The following FSTL5 variants were observed in gnomAD, a reference collection of about 807,000 sequenced individuals.
The protein encoded by FSTL5 is follistatin-related protein 5.
FSTL5 carries 62 observed loss-of-function variants against 89.1 expected under a neutral mutation model. The observed-to-expected ratio is 0.70, with a 90% confidence interval of 0.57 to 0.86. The LOEUF is 0.86. Among genes scored for constraint, FSTL5 ranks in the 40% least tolerant of loss-of-function variants. The pLI, the probability that FSTL5 is intolerant of heterozygous loss-of-function variation, is 0.00. For synonymous variants in FSTL5, 383 were observed against 346.2 expected, an observed-to-expected ratio of 1.11 and a Z score of -1.18; for missense variants, 1,057 against 1,001.6, an observed-to-expected ratio of 1.06 and a Z score of -0.75.
At chr4:161,497,604 C>T (rs1165795745) in intron 12 of FSTL5, among the ~76,000 whole-genome samples, 1 of 148,064 alleles carries the variant, frequency 6.8e-6, no homozygotes, top group South Asian at 2.2e-4. Context: ...GTACAGAAAC[C>T]TTTATAAACT....
At chr4:161,833,186 C>T (rs1050747648) in intron 4 of FSTL5, among the ~76,000 whole-genome samples, 146 of 151,718 alleles carry the variant, frequency 9.6e-4, no homozygotes, top group African/African-American at 3.2e-3. Flanking sequence ...TGTAGTTGAG[C>T]GGTTTTGAGT....
intron 12 of FSTL5, among the ~76,000 whole-genome samples, chr4:161,493,716 A>G (rs971896794): frequency 3.3e-5 from 5 of 152,210 alleles, no homozygotes; most frequent in Non-Finnish European, 7.4e-5. Context: ...GTTTATTTGT[A>G]AAGCGTGCGG....
chr4:161,794,996 T>G (rs1315399789), intron 4 of FSTL5, among the ~76,000 whole-genome samples: 1 of 151,974 alleles, frequency 6.6e-6, no homozygotes, highest in Non-Finnish European at 1.5e-5. Flanking sequence ...ATATATATTT[T>G]ATTTACATAT....
intron 4 of FSTL5, among the ~76,000 whole-genome samples, chr4:161,885,114 G>C (rs558108804): frequency 2.0e-5 from 3 of 152,056 alleles, no homozygotes. Context: ...GAAGGGTGTA[G>C]AGTAGTCTAA....
Position 161,680,984 on chromosome 4 carries a change from T to C in FSTL5, c.728-24490A>G, listed in dbSNP as rs946682602. ...GTTCAGTGAAGTGTAACACTGCAAATGGTAATGATGTGAAGATGCAGTCTA... is the reference window on the plus strand; with the variant it reads ...GTTCAGTGAAGTGTAACACTGCAAACGGTAATGATGTGAAGATGCAGTCTA... On this transcript the variant is annotated intron_variant, in intron 6 of 15. Coordinates refer to ENST00000306100, the MANE Select transcript of FSTL5 (RefSeq NM_020116.5). 2.0e-5 allele frequency among the ~76,000 whole-genome samples: 3 copies of C among 151,988 alleles called. No individual in the cohort carries two copies. In the East Asian group the frequency reaches 5.8e-4, roughly 29 times the overall value.
chr4:161,695,365 G>A (rs1397393310), intron 6 of FSTL5, among the ~76,000 whole-genome samples: 1 of 151,142 alleles, frequency 6.6e-6, no homozygotes, highest in Non-Finnish European at 1.5e-5. Flanking sequence ...ATCTCATCCA[G>A]GTCGCTGTGA....
intron 10 of FSTL5, among the ~76,000 whole-genome samples, chr4:161,520,345 A>C (rs1730979019): frequency 6.6e-6 from 1 of 151,488 alleles, no homozygotes; most frequent in Non-Finnish European, 1.5e-5. Context: ...TAAGGTTAAC[A>C]TATCAATATA....
chr4:161,912,126 T>A (rs926302369), intron 4 of FSTL5, among the ~76,000 whole-genome samples: 1 of 152,090 alleles, frequency 6.6e-6, no homozygotes, highest in Non-Finnish European at 1.5e-5. Flanking sequence ...AATGAAAAGG[T>A]TTTTTTACCA....
chr4:162,066,642 T>C (rs936607013), intron 2 of FSTL5, among the ~76,000 whole-genome samples: 1 of 147,842 alleles, frequency 6.8e-6, no homozygotes, highest in Non-Finnish European at 1.5e-5. Context: ...GTCCATGTGT[T>C]CTATTGTTCA....
chr4:161,757,527 A>C (rs1311021680), intron 6 of FSTL5, among the ~76,000 whole-genome samples: 1 of 152,138 alleles, frequency 6.6e-6, no homozygotes, highest in Non-Finnish European at 1.5e-5. Flanking sequence ...TTAGGTCAAC[A>C]TGAGTTTGAT....
intron 4 of FSTL5, among the ~76,000 whole-genome samples, chr4:161,862,530 A>G (rs1731950321): frequency 6.6e-6 from 1 of 152,040 alleles, no homozygotes; most frequent in Admixed American, 6.6e-5. Context: ...GTCAAGAGAT[A>G]GAGACCATCC....
intron 4 of FSTL5, among the ~76,000 whole-genome samples, chr4:161,810,737 G>A (rs1041485764): frequency 5.3e-5 from 8 of 152,222 alleles, no homozygotes; most frequent in African/African-American, 1.9e-4. Context: ...CTATAATAAT[G>A]TTAATCATTA....
intron 6 of FSTL5, among the ~76,000 whole-genome samples, chr4:161,659,843 C>G (rs1418120830): frequency 2.0e-5 from 3 of 152,076 alleles, no homozygotes; most frequent in East Asian, 3.9e-4. Flanking sequence ...TGACTTGTTT[C>G]ATTTTATAGC....
intron 2 of FSTL5, among the ~76,000 whole-genome samples, chr4:162,036,775 T>C (rs1196848560): frequency 6.6e-6 from 1 of 152,000 alleles, no homozygotes; most frequent in Admixed American, 6.6e-5. Context: ...AGTACAATTA[T>C]GTCTAAGAAA....
At chr4:161,412,509 G>A (rs1731628308) in intron 15 of FSTL5, among the ~76,000 whole-genome samples, 1 of 152,014 alleles carries the variant, frequency 6.6e-6, no homozygotes, top group African/African-American at 2.4e-5. Context: ...GTGGGGTAGG[G>A]GGATAGGGGC....
chr4:162,066,355 C>CTTCTTCTTGTTCTTCTTCTT (rs1553996329), intron 2 of FSTL5, among the ~76,000 whole-genome samples: 1 of 61,166 alleles, frequency 1.6e-5, no homozygotes, highest in Admixed American at 1.8e-4. Flanking sequence ...TTCTTCTTCT[C>CTTCTTCTTGTTCTTCTTCTT]CTTCTTCTTC....
intron 7 of FSTL5, among the ~76,000 whole-genome samples, chr4:161,625,913 A>T (rs1437424490): frequency 6.6e-6 from 1 of 152,166 alleles, no homozygotes; most frequent in Admixed American, 6.5e-5. Flanking sequence ...ACATTCCCTT[A>T]AGACAAAACT....
At chr4:161,716,660 A>T (rs1738996939) in intron 6 of FSTL5, among the ~76,000 whole-genome samples, 1 of 152,144 alleles carries the variant, frequency 6.6e-6, no homozygotes, top group South Asian at 2.1e-4. Context: ...CAAATGCCTT[A>T]CTTTATTTCT....
intron 5 of FSTL5, among the ~76,000 whole-genome samples, chr4:161,765,827 G>T (rs1284432846): frequency 2.8e-5 from 4 of 144,784 alleles, no homozygotes; most frequent in Non-Finnish European, 4.5e-5. Context: ...ACAGAGTCTT[G>T]CTCTGTCACC....
Sources: gnomAD v4.1 joint callset for allele counts (sites outside exome capture counted in the v4.1 genomes callset) on GRCh38, gnomAD v4.1.1 for gene constraint, MANE v1.5 for transcripts, NCBI Gene and HGNC (gene_info 2026-07-23, HGNC 2026-07-21) for gene names.